CNTNAP5: variants seen among roughly 807,000 people sequenced by gnomAD.
CNTNAP5 encodes contactin-associated protein-like 5.
In CNTNAP5, 72 loss-of-function variants were observed where a neutral mutation model predicts 150.2. The ratio of observed to expected loss-of-function variants is 0.48; its 90% CI spans 0.40 to 0.58. The LOEUF is 0.58. Ranked by LOEUF, CNTNAP5 falls within the 20% of genes least tolerant of loss-of-function variation. CNTNAP5 has a pLI of 0.00. For missense variants in CNTNAP5, 1,636 were observed against 1,626.2 expected, an observed-to-expected ratio of 1.01 and a Z score of -0.10; for synonymous variants, 672 against 619.8, an observed-to-expected ratio of 1.08 and a Z score of -1.25.
chr2:124,884,116 A>G (rs1240301842), intron 21 of CNTNAP5, among the ~76,000 whole-genome samples: 2 of 151,976 alleles, frequency 1.3e-5, no homozygotes, highest in Admixed American at 6.6e-5. Context: ...GTGTGTACCT[A>G]TATGTGCATA....
intron 13 of CNTNAP5, among the ~76,000 whole-genome samples, chr2:124,698,556 A>T (rs899573742): frequency 6.6e-6 from 1 of 152,148 alleles, no homozygotes; most frequent in Non-Finnish European, 1.5e-5. Flanking sequence ...CTGAGCTGAG[A>T]TGCAATCTTG....
In CNTNAP5 at chr2:124,594,339, T is replaced by C. The variant is rs1340416474; in HGVS notation, c.1757-15462T>C. ...TAAGGTGTAAGGAAGGGATCCAGTT[T>C]CAGCTTTCTACATATGGCTAGCCAG... On this transcript the variant is annotated intron_variant, in intron 11 of 23. Transcript: ENST00000682447. 1.3e-4 allele frequency among the ~76,000 whole-genome samples: 19 copies of C among 150,724 alleles called. No individual in the cohort carries two copies. In the East Asian group the frequency reaches 3.9e-3, roughly 31 times the overall value.
chr2:124,484,331 A>C (rs1288526047), intron 7 of CNTNAP5, among the ~76,000 whole-genome samples: 1 of 152,204 alleles, frequency 6.6e-6, no homozygotes, highest in African/African-American at 2.4e-5. Flanking sequence ...TATGTCACTC[A>C]TGGTGTTAAA....
intron 13 of CNTNAP5, among the ~76,000 whole-genome samples, chr2:124,692,336 A>T (rs899998485): frequency 1.3e-5 from 2 of 152,194 alleles, no homozygotes; most frequent in Admixed American, 6.6e-5. Flanking sequence ...ATTCAGTTAC[A>T]TATTGACTAT....
intron 4 of CNTNAP5, among the ~76,000 whole-genome samples, chr2:124,422,813 G>A (rs17725595): frequency 0.13 from 19,371 of 152,092 alleles, 1,618 homozygotes; most frequent in Non-Finnish European, 0.19. Flanking sequence ...ATCACCTTGG[G>A]ACATATATGC....
intron 10 of CNTNAP5, among the ~76,000 whole-genome samples, chr2:124,544,429 T>C (rs115161230): frequency 1.8e-4 from 27 of 152,268 alleles, no homozygotes; most frequent in Non-Finnish European, 3.8e-4. Flanking sequence ...GAAATAACAA[T>C]TGTACACTCC....
chr2:124,111,581 G>A (rs1219135336), intron 1 of CNTNAP5, among the ~76,000 whole-genome samples: 1 of 152,072 alleles, frequency 6.6e-6, no homozygotes, highest in Non-Finnish European at 1.5e-5. Context: ...ACTGATGTCA[G>A]TAACTAAAAA....
rs551087191 is a variant in CNTNAP5 at position 124,804,323 on chromosome 2, C to A, written c.3217+6003C>A. ...GTTAGACTTGGGTGGTAAGGGTGGG[C>A]CTGACTGGAGAAACAGTGGCATGCT... On this transcript the variant is annotated intron_variant, in intron 19 of 23. Coordinates refer to ENST00000682447, the MANE Select transcript of CNTNAP5 (RefSeq NM_001367498.1). Among the ~76,000 whole-genome samples the A allele has an allele frequency of 2.0e-5, 3 of 152,256 alleles. No individual in the cohort carries two copies. The South Asian group carries it at 6.2e-4, about 32-fold the overall frequency.
At chr2:124,085,124 G>A (rs1682653767) in intron 1 of CNTNAP5, among the ~76,000 whole-genome samples, 2 of 150,932 alleles carry the variant, frequency 1.3e-5, no homozygotes, top group Admixed American at 6.6e-5. Flanking sequence ...GTTTCACCAT[G>A]TTGGTCAGGC....
chr2:124,891,559 T>C (rs1378621845), intron 21 of CNTNAP5, among the ~76,000 whole-genome samples: 1 of 152,122 alleles, frequency 6.6e-6, no homozygotes. Flanking sequence ...AAAGATATCA[T>C]GTAATCTGTC....
chr2:124,640,296 G>A (rs780935117), intron 12 of CNTNAP5, among the ~76,000 whole-genome samples: 1 of 152,102 alleles, frequency 6.6e-6, no homozygotes, highest in African/African-American at 2.4e-5. Context: ...TACATAAAAA[G>A]TAAAGGCTAA....
chr2:124,084,721 C>A (rs6541935), intron 1 of CNTNAP5, among the ~76,000 whole-genome samples: 1 of 151,964 alleles, frequency 6.6e-6, no homozygotes, highest in African/African-American at 2.4e-5. Flanking sequence ...TCATTAAATA[C>A]AAAAAAATAC....
At chr2:124,153,261 A>G (rs891925178) in intron 1 of CNTNAP5, among the ~76,000 whole-genome samples, 2 of 152,194 alleles carry the variant, frequency 1.3e-5, no homozygotes, top group Admixed American at 6.5e-5. Flanking sequence ...CACACAGTAA[A>G]TGATGCTTAA....
At chr2:124,369,841 G>A (rs887360410) in intron 3 of CNTNAP5, among the ~76,000 whole-genome samples, 1 of 152,082 alleles carries the variant, frequency 6.6e-6, no homozygotes, top group African/African-American at 2.4e-5. Context: ...GTTCCCTCAG[G>A]CTTATCAGAA....
chr2:124,449,746 T>G (rs1692919166), intron 6 of CNTNAP5, among the ~76,000 whole-genome samples: 1 of 152,184 alleles, frequency 6.6e-6, no homozygotes, highest in Non-Finnish European at 1.5e-5. Context: ...TTCTCCAGAT[T>G]GTTCAGCCAG....
At chr2:124,536,251 C>T (rs1312875772) in intron 10 of CNTNAP5, among the ~76,000 whole-genome samples, 1 of 152,182 alleles carries the variant, frequency 6.6e-6, no homozygotes, top group East Asian at 1.9e-4. Flanking sequence ...TTATGTAACA[C>T]TTACTGAGCA....
At chr2:124,391,900 G>C (rs1490955586) in intron 3 of CNTNAP5, among the ~76,000 whole-genome samples, 1 of 152,158 alleles carries the variant, frequency 6.6e-6, no homozygotes, top group Non-Finnish European at 1.5e-5. Context: ...AGCTTGCAGT[G>C]AGCCGAGATC....
intron 1 of CNTNAP5, among the ~76,000 whole-genome samples, chr2:124,132,768 A>C (rs1286939870): frequency 6.6e-6 from 1 of 152,120 alleles, no homozygotes; most frequent in Admixed American, 6.6e-5. Context: ...TGTTCTGTCC[A>C]CTGCAGGGGG....
chr2:124,633,759 A>G (rs959314308), intron 12 of CNTNAP5, among the ~76,000 whole-genome samples: 4 of 152,146 alleles, frequency 2.6e-5, no homozygotes, highest in Admixed American at 1.3e-4. Flanking sequence ...AGGCTTTCCA[A>G]ATAATTTTTG....
Sources: allele counts gnomAD v4.1 joint callset (sites outside exome capture counted in the v4.1 genomes callset), GRCh38; gene constraint gnomAD v4.1.1; transcripts MANE v1.5; gene names NCBI Gene and HGNC (gene_info 2026-07-23, HGNC 2026-07-21).